PTPRA: variants seen among roughly 807,000 people sequenced by gnomAD.
PTPRA encodes receptor-type tyrosine-protein phosphatase alpha.
In PTPRA, 25 loss-of-function variants were observed where a neutral mutation model predicts 104.8. The observed-to-expected ratio is 0.24, with a 90% CI of 0.17 to 0.33. PTPRA has a LOEUF of 0.33. Among genes scored for constraint, PTPRA ranks in the 10% least tolerant of loss-of-function variants. PTPRA has a pLI of 1.00. For synonymous variants in PTPRA, 323 were observed against 368.9 expected (o/e 0.88, Z 1.43); for missense variants, 765 against 1,015.3 (o/e 0.75, Z 3.35).
intron 7 of PTPRA, 181 bp from the exon 8 acceptor site, chr20:2,987,851 C>T (rs1346001438): frequency 1.2e-5 from 9 of 736,284 alleles, no homozygotes; most frequent in East Asian, 5.1e-5. Context: ...AGGAGTATCC[C>T]GAGGTACTCG....
chr20:2,867,476 CCGTTGG>C, the PTPRA span, among the ~76,000 whole-genome samples: 4 of 105,688 alleles, frequency 3.8e-5, no homozygotes, highest in Admixed American at 3.0e-4. Context: ...ATCTAGCCTT[CCGTTGG>C]CACTCCAGTG....
chr20:2,945,265 G>T (rs2061081345), intron 2 of PTPRA, among the ~76,000 whole-genome samples: 1 of 151,984 alleles, frequency 6.6e-6, no homozygotes, highest in Admixed American at 6.5e-5. Flanking sequence ...TGATTCTCAT[G>T]TTGCCTTTTT....
chr20:2,992,961 C>T (rs746364412), intron 9 of PTPRA, among the ~76,000 whole-genome samples: 1 of 152,140 alleles, frequency 6.6e-6, no homozygotes, highest in South Asian at 2.1e-4. Context: ...GGTATGCACC[C>T]GTAGTTCCAG....
chr20:2,884,498 G>A (rs2090257514), intron 1 of PTPRA, among the ~76,000 whole-genome samples: 1 of 152,062 alleles, frequency 6.6e-6, no homozygotes, highest in African/African-American at 2.4e-5. Flanking sequence ...TCTCATTGTG[G>A]TTTTTATTTG....
intron 17 of PTPRA, 40 bp downstream of exon 17, chr20:3,024,661 C>A: frequency 6.2e-7 from 1 of 1,606,460 alleles, no homozygotes. Context: ...ATTGAAGGAT[C>A]CTTGTAATCT....
intron 1 of PTPRA, among the ~76,000 whole-genome samples, chr20:2,885,477 T>C (rs746533166): frequency 2.0e-5 from 3 of 152,212 alleles, no homozygotes; most frequent in Non-Finnish European, 2.9e-5. Flanking sequence ...TAGGGAACTT[T>C]ATAATAAAGG....
At chr20:2,976,679 C>G (rs574811358) in intron 6 of PTPRA, among the ~76,000 whole-genome samples, 1 of 152,320 alleles carries the variant, frequency 6.6e-6, no homozygotes, top group East Asian at 1.9e-4. Flanking sequence ...GGCAATTTTA[C>G]CAGAGCAGAT....
the PTPRA span, among the ~76,000 whole-genome samples, chr20:2,865,699 C>A: frequency 6.6e-6 from 1 of 152,178 alleles, no homozygotes; most frequent in African/African-American, 2.4e-5. This position sits in a 1 kb window ranked among gnomAD's most constrained non-coding sequence, Gnocchi z 5.2. Flanking sequence ...AGTTTGCCTG[C>A]AGATGTTACG....
chr20:3,020,859 A>G (rs2064832418), intron 13 of PTPRA, among the ~76,000 whole-genome samples: 1 of 152,236 alleles, frequency 6.6e-6, no homozygotes, highest in African/African-American at 2.4e-5. Context: ...AAGCTCAGGC[A>G]ACAGAAAAAG....
At chr20:2,981,581 G>C (rs537552483) in intron 6 of PTPRA, among the ~76,000 whole-genome samples, 13 of 152,302 alleles carry the variant, frequency 8.5e-5, no homozygotes, top group African/African-American at 3.1e-4. Context: ...AAATATATAT[G>C]CAGCATATGT....
rs1165325256 is a variant in PTPRA, at chr20:3,022,411, G to A, written c.1328+191G>A. On this transcript the variant is annotated intron_variant, in intron 15 of 23. Coordinates refer to ENST00000399903, the MANE Select transcript of PTPRA (RefSeq NM_001385305.1). The surrounding 1 kb of genome is among the most constrained non-coding windows in gnomAD (Gnocchi z 4.6). Reference sequence around the variant, plus strand: ...AATATGACTTGAGGAAGGAGGGTAGGGCAGTCCTCCAAGATTAGGAGTTGG... The same window carrying A: ...AATATGACTTGAGGAAGGAGGGTAGAGCAGTCCTCCAAGATTAGGAGTTGG... Among the ~76,000 whole-genome samples, 3 of 152,192 alleles carry A rather than the reference G, an allele frequency of 2.0e-5. No individual in the cohort carries two copies. The highest frequency in any genetic ancestry group is 7.2e-5 in the African/African-American group (3 of 41,442).
At chr20:2,965,528 GAATGAGT>G (rs2061913126) in intron 5 of PTPRA, among the ~76,000 whole-genome samples, 1 of 152,186 alleles carries the variant, frequency 6.6e-6, no homozygotes, top group South Asian at 2.1e-4. Flanking sequence ...AAGATACAGA[GAATGAGT>G]AATAAGATTA....
In PTPRA at chr20:2,941,460, C is replaced by G. The variant is rs185808125; in HGVS notation, c.-49-6522C>G. On this transcript the variant is annotated intron_variant, in intron 2 of 23. Transcript: ENST00000399903. ...TTATCACACCCTGTGCAGTTTACTT[C>G]CTGAATATCTCCTTCCTTGTAACAC... is the stretch of plus-strand genomic sequence containing the variant. Among the ~76,000 whole-genome samples, 175 of 152,336 alleles carry G rather than the reference C, an allele frequency of 1.1e-3. 3 individuals carry two copies. The highest frequency in any genetic ancestry group is 3.8e-3 in the African/African-American group (157 of 41,580).
At chr20:2,886,442 A>G (rs1161944079) in intron 1 of PTPRA, among the ~76,000 whole-genome samples, 1 of 152,144 alleles carries the variant, frequency 6.6e-6, no homozygotes, top group Non-Finnish European at 1.5e-5. Flanking sequence ...GGTTTATTAT[A>G]GTATTTTCTC....
At chr20:3,014,362 G>A (rs369637172) in intron 11 of PTPRA, among the ~76,000 whole-genome samples, 4 of 152,212 alleles carry the variant, frequency 2.6e-5, no homozygotes, top group Non-Finnish European at 5.9e-5. Context: ...CTCAGACCAG[G>A]CACGGTGGCT....
At chr20:2,865,266 A>G in the PTPRA span, 1 of 1,614,138 alleles carries the variant, frequency 6.2e-7, no homozygotes. This position sits in a 1 kb window ranked among gnomAD's most constrained non-coding sequence, Gnocchi z 5.2. Context: ...CTTGGCGGTC[A>G]CAACAAGCGT....
chr20:2,905,517 C>T (rs545083708), intron 1 of PTPRA, among the ~76,000 whole-genome samples: 2 of 152,124 alleles, frequency 1.3e-5, no homozygotes, highest in Admixed American at 6.6e-5. Flanking sequence ...TTTAATTAAA[C>T]ATTAACTAAT....
chr20:2,931,788 A>G (rs1190015738), intron 2 of PTPRA, among the ~76,000 whole-genome samples: 2 of 151,936 alleles, frequency 1.3e-5, no homozygotes, highest in Admixed American at 1.3e-4. Flanking sequence ...CATGAGTGCC[A>G]TGGCATAATC....
intron 6 of PTPRA, 76 bp from the exon 7 acceptor site, chr20:2,986,689 G>T: frequency 8.0e-7 from 1 of 1,247,718 alleles, no homozygotes; most frequent in Non-Finnish European, 1.2e-6. Context: ...CCTCTTCAGG[G>T]TGTTGCCCTG....
Sources: gnomAD v4.1 joint callset for allele counts (sites outside exome capture counted in the v4.1 genomes callset) on GRCh38, gnomAD v4.1.1 for gene constraint, Gnocchi (gnomAD v3.1) non-coding constraint, MANE v1.5 for transcripts, NCBI Gene and HGNC (gene_info 2026-07-23, HGNC 2026-07-21) for gene names.